Variants in PARN observed in about 807,000 individuals in gnomAD.
PARN encodes poly(A)-specific ribonuclease PARN.
In PARN, 71 loss-of-function variants were observed where a neutral mutation model predicts 102.8. The ratio of observed to expected loss-of-function variants is 0.69; its 90% CI spans 0.57 to 0.84. PARN has a LOEUF of 0.84. PARN is among the 40% of genes least tolerant of loss of function. The pLI, the probability that PARN is intolerant of heterozygous loss-of-function variation, is 0.00. For missense variants in PARN, 782 were observed against 760.9 expected (o/e 1.03, Z -0.33); for synonymous variants, 261 against 252.9 (o/e 1.03, Z -0.30).
intron 21 of PARN, among the ~76,000 whole-genome samples, chr16:14,485,106 G>C (rs1372250284): frequency 6.6e-6 from 1 of 152,230 alleles, no homozygotes; most frequent in Non-Finnish European, 1.5e-5. Flanking sequence ...TCCCAAAGAA[G>C]TGGAGTGGGT....
At chr16:14,484,211 T>C (rs1963535739) in intron 21 of PARN, among the ~76,000 whole-genome samples, 1 of 152,232 alleles carries the variant, frequency 6.6e-6, no homozygotes, top group Non-Finnish European at 1.5e-5. Context: ...TTGGTGTTAA[T>C]GCTTCAGACT....
intron 21 of PARN, among the ~76,000 whole-genome samples, chr16:14,527,447 A>G (rs771197194): frequency 6.6e-6 from 1 of 152,232 alleles, no homozygotes; most frequent in East Asian, 1.9e-4. Flanking sequence ...AAAGCCAATC[A>G]AGATTTTTAA....
At chr16:14,629,490 AAC>A (rs1192758787) in intron 2 of PARN, 105 bp downstream of exon 2, 1 of 815,596 alleles carries the variant, frequency 1.2e-6, no homozygotes, top group Non-Finnish European at 2.1e-6. Context: ...CAAGGCTACT[AAC>A]AGCAAGAGGC....
At chr16:14,529,530 A>G (rs1966201882) in intron 21 of PARN, among the ~76,000 whole-genome samples, 1 of 152,150 alleles carries the variant, frequency 6.6e-6, no homozygotes, top group Non-Finnish European at 1.5e-5. Flanking sequence ...CCAGCCTCTC[A>G]GCCCTGACAT....
chr16:14,613,924 C>T (rs1178696702), intron 6 of PARN, among the ~76,000 whole-genome samples: 1 of 152,078 alleles, frequency 6.6e-6, no homozygotes. Flanking sequence ...GCAAGTGAAT[C>T]AGAAGCATGA....
intron 10 of PARN, among the ~76,000 whole-genome samples, 192 bp downstream of exon 10, chr16:14,606,292 G>C (rs1481521576): frequency 6.6e-6 from 1 of 151,954 alleles, no homozygotes. Context: ...TCCCAGCTTG[G>C]GAGGCTGATG....
At chr16:14,586,944 A>C (rs987008427) in intron 13 of PARN, among the ~76,000 whole-genome samples, 4 of 152,252 alleles carry the variant, frequency 2.6e-5, no homozygotes, top group Admixed American at 6.5e-5. Context: ...GCAAGTGCCT[A>C]GATTAGACAA....
intron 11 of PARN, among the ~76,000 whole-genome samples, chr16:14,600,725 G>C (rs1485071374): frequency 6.6e-6 from 1 of 152,160 alleles, no homozygotes; most frequent in Non-Finnish European, 1.5e-5. Context: ...GAGGTCGGGA[G>C]TTCGAGACCA....
At chr16:14,602,780 C>T (rs1311763252) in intron 11 of PARN, among the ~76,000 whole-genome samples, 1 of 152,158 alleles carries the variant, frequency 6.6e-6, no homozygotes, top group African/African-American at 2.4e-5. Context: ...TCCTCATTGC[C>T]TCCTGGGTTC....
intron 18 of PARN, among the ~76,000 whole-genome samples, chr16:14,563,818 C>G (rs2151724175): frequency 6.6e-6 from 1 of 151,798 alleles, no homozygotes; most frequent in East Asian, 1.9e-4. Flanking sequence ...GCAGGAAATT[C>G]TCTAAGAGGA....
chr16:14,453,008 A>G (rs1345690170), intron 22 of PARN, among the ~76,000 whole-genome samples: 1 of 152,224 alleles, frequency 6.6e-6, no homozygotes, highest in Non-Finnish European at 1.5e-5. Flanking sequence ...CAATACCTGC[A>G]TGTTGATGAG....
At chr16:14,529,332 A>C (rs1008989622) in intron 21 of PARN, among the ~76,000 whole-genome samples, 1 of 152,232 alleles carries the variant, frequency 6.6e-6, no homozygotes, top group South Asian at 2.1e-4. Context: ...AAAGGAATTA[A>C]GATACAAAGT....
At chr16:14,541,138 T>A (rs1003548689) in intron 21 of PARN, among the ~76,000 whole-genome samples, 10 of 149,402 alleles carry the variant, frequency 6.7e-5, no homozygotes, top group Non-Finnish European at 1.2e-4. Flanking sequence ...TTTTTTTTTT[T>A]AAAGCACAGG....
At chr16:14,562,639 T>C (rs1968144675) in intron 18 of PARN, among the ~76,000 whole-genome samples, 1 of 150,902 alleles carries the variant, frequency 6.6e-6, no homozygotes, top group Non-Finnish European at 1.5e-5. Flanking sequence ...CTCTTGTTTT[T>C]AAGTAGATTT....
intron 21 of PARN, among the ~76,000 whole-genome samples, chr16:14,522,123 A>T (rs1268871167): frequency 6.6e-6 from 1 of 152,238 alleles, no homozygotes; most frequent in Non-Finnish European, 1.5e-5. Context: ...TACTAAGCTT[A>T]TGACTGTATT....
At chr16:14,567,757 T>C (rs968301696) in intron 18 of PARN, among the ~76,000 whole-genome samples, 1 of 152,102 alleles carries the variant, frequency 6.6e-6, no homozygotes, top group African/African-American at 2.4e-5. Flanking sequence ...AGGCAGACAA[T>C]GGAGGAGGCT....
chr16:14,503,728 A>G (rs143119404), intron 21 of PARN, among the ~76,000 whole-genome samples: 1 of 152,178 alleles, frequency 6.6e-6, no homozygotes, highest in Non-Finnish European at 1.5e-5. Context: ...TCCTGAGATT[A>G]TATCACAGGT....
chr16:14,482,496 T>G, intron 22 of PARN, 142 bp downstream of exon 22: 1 of 584,664 alleles, frequency 1.7e-6, no homozygotes, highest in Non-Finnish European at 2.9e-6. Flanking sequence ...ATTCAGGTCA[T>G]AGTCACTTCT....
rs144174097 is a variant in PARN at position 14,439,114 on chromosome 16, C to A, written c.1865-2342G>T. ...ACTTGGCTGTGTGTGGTGGCTCATG[C>A]CTGTAATCCCAGTACTTTAGGAGGC... On this transcript the variant is annotated intron_variant, in intron 23 of 23. Coordinates refer to ENST00000437198, the MANE Select transcript of PARN (RefSeq NM_002582.4). 5.0e-4 allele frequency among the ~76,000 whole-genome samples: 76 copies of A among 152,232 alleles called. 1 individual carries two copies. In the East Asian group the frequency reaches 0.013, roughly 27 times the overall value.
Sources: allele counts gnomAD v4.1 joint callset (sites outside exome capture counted in the v4.1 genomes callset), GRCh38; gene constraint gnomAD v4.1.1; transcripts MANE v1.5; gene names NCBI Gene and HGNC (gene_info 2026-07-23, HGNC 2026-07-21).